ENOX1: variants seen among roughly 807,000 people sequenced by gnomAD.
ENOX1 encodes candidate growth-related and time keeping constitutive hydroquinone (NADH) oxidase.
In ENOX1, 42 loss-of-function variants were observed where a neutral mutation model predicts 82.5. The observed-to-expected ratio is 0.51, with a 90% CI of 0.40 to 0.66. The LOEUF (loss-of-function observed/expected upper bound fraction) is 0.66. Ranked by LOEUF, ENOX1 falls within the 30% of genes least tolerant of loss-of-function variation. The probability of loss-of-function intolerance (pLI) is 0.00; values close to 1 mark genes in which losing one functional copy is unlikely to be tolerated. For missense variants in ENOX1, 608 were observed against 811.6 expected (o/e 0.75, Z 3.05); for synonymous variants, 271 against 282.2 (o/e 0.96, Z 0.40).
chr13:43,396,431 G>A (rs1163834767), intron 5 of ENOX1, among the ~76,000 whole-genome samples: 2 of 152,176 alleles, frequency 1.3e-5, no homozygotes, highest in African/African-American at 4.8e-5. Context: ...CCAGGCTGGA[G>A]GGCAGTGGCA....
chr13:43,250,099 T>A (rs1229727452), intron 14 of ENOX1, among the ~76,000 whole-genome samples: 1 of 152,220 alleles, frequency 6.6e-6, no homozygotes, highest in Non-Finnish European at 1.5e-5. Context: ...CAAGTATGCC[T>A]CGCTGTTTAA....
intron 1 of ENOX1, among the ~76,000 whole-genome samples, chr13:43,674,795 T>C (rs1273839425): frequency 1.3e-5 from 2 of 152,104 alleles, no homozygotes; most frequent in Non-Finnish European, 2.9e-5. Context: ...TAGCAGTCTG[T>C]TGGGGGATGC....
At chr13:43,628,367 T>G (rs2083060498) in intron 2 of ENOX1, among the ~76,000 whole-genome samples, 1 of 152,210 alleles carries the variant, frequency 6.6e-6, no homozygotes, top group Admixed American at 6.5e-5. Context: ...ATGCCTTCCT[T>G]TCTCCCCTTC....
intron 11 of ENOX1, among the ~76,000 whole-genome samples, chr13:43,300,954 T>G (rs1344998854): frequency 5.9e-5 from 9 of 152,162 alleles, no homozygotes; most frequent in Non-Finnish European, 1.2e-4. Flanking sequence ...CAGCCCAGCT[T>G]CAGATCTTGT....
chr13:43,329,039 G>A lies in ENOX1; in HGVS notation c.1037-2514C>T, dbSNP rs142637364. ...GAAGAGAGTAGCTAAGTAGATAGGT[G>A]GCATTAGAAAACATTCCACAAATAG... On this transcript the variant is annotated intron_variant, in intron 9 of 16. Transcript: ENST00000690772. Among the ~76,000 whole-genome samples, 36 of 152,318 alleles carry A rather than the reference G, an allele frequency of 2.4e-4. 2 individuals are homozygous for A. The East Asian group carries it at 6.9e-3, about 29-fold the overall frequency.
At chr13:43,546,852 T>C (rs9316034) in intron 2 of ENOX1, 41,163 of 152,152 alleles carry the variant, frequency 0.27, 6,094 homozygotes, top group Non-Finnish European at 0.34. Context: ...CAATTTAATC[T>C]AAATTATCCT....
chr13:43,497,327 C>G (rs544878034), intron 2 of ENOX1, among the ~76,000 whole-genome samples: 1 of 152,200 alleles, frequency 6.6e-6, no homozygotes, highest in South Asian at 2.1e-4. Context: ...AGAGTGAACA[C>G]CCACATCTCT....
At chr13:43,528,904 T>C (rs1473117775) in intron 2 of ENOX1, among the ~76,000 whole-genome samples, 1 of 152,062 alleles carries the variant, frequency 6.6e-6, no homozygotes. Context: ...CACAAATCTG[T>C]CTTCGATTTA....
chr13:43,445,122 T>C (rs2153626354), intron 3 of ENOX1, among the ~76,000 whole-genome samples: 1 of 128,586 alleles, frequency 7.8e-6, no homozygotes, highest in East Asian at 2.1e-4. Flanking sequence ...TCCTTCTTTC[T>C]GGGTTTTTTT....
chr13:43,569,029 T>C (rs2080051923), intron 2 of ENOX1, among the ~76,000 whole-genome samples: 1 of 152,202 alleles, frequency 6.6e-6, no homozygotes, highest in South Asian at 2.1e-4. Context: ...TTTGGTTTTA[T>C]GCAAAATGGC....
At chr13:43,753,298 T>A (rs1031702651) in intron 1 of ENOX1, among the ~76,000 whole-genome samples, 3 of 152,218 alleles carry the variant, frequency 2.0e-5, no homozygotes, top group African/African-American at 7.2e-5. Context: ...TTTTATCAAA[T>A]ACAAGCTTTA....
Position 43,450,888 on chromosome 13 carries a change from A to T in ENOX1, c.-75+33121T>A, listed in dbSNP as rs562851324. Among the ~76,000 whole-genome samples the T allele has an allele frequency of 9.9e-5, 15 of 152,236 alleles. No individual in the cohort carries two copies. The East Asian group carries it at 2.9e-3, about 29-fold the overall frequency. On this transcript the variant is annotated intron_variant, in intron 3 of 16. Coordinates refer to ENST00000690772, the MANE Select transcript of ENOX1 (RefSeq NM_001347969.2). ...GTCAAAGCACTGTAAAATACAGAAAATTTTTAAAAACAACAACATAATTAA... is the reference window on the plus strand; with the variant it reads ...GTCAAAGCACTGTAAAATACAGAAATTTTTTAAAAACAACAACATAATTAA...
At chr13:43,219,348 A>G (rs969874251) in intron 16 of ENOX1, among the ~76,000 whole-genome samples, 1 of 152,216 alleles carries the variant, frequency 6.6e-6, no homozygotes, top group Non-Finnish European at 1.5e-5. Context: ...GATTAGAGAT[A>G]GATGCCATGA....
intron 16 of ENOX1, among the ~76,000 whole-genome samples, chr13:43,221,289 C>G (rs1274296879): frequency 1.3e-5 from 2 of 152,198 alleles, no homozygotes; most frequent in African/African-American, 4.8e-5. Flanking sequence ...ACGAACCCTC[C>G]TCTTGACTGT....
At chr13:43,326,326 A>C (rs925951108) in intron 10 of ENOX1, 93 bp downstream of exon 10, 1 of 1,018,986 alleles carries the variant, frequency 9.8e-7, no homozygotes, top group Non-Finnish European at 1.5e-6. Context: ...CGGACTGCCC[A>C]CTATAACAGA....
intron 2 of ENOX1, among the ~76,000 whole-genome samples, chr13:43,603,274 G>C (rs915599188): frequency 2.0e-5 from 3 of 151,870 alleles, no homozygotes; most frequent in African/African-American, 4.8e-5. Context: ...AATATGTCAT[G>C]CTTTTTATTT....
chr13:43,785,304 C>G (rs112450288), intron 1 of ENOX1, among the ~76,000 whole-genome samples: 183 of 152,310 alleles, frequency 1.2e-3, no homozygotes, highest in African/African-American at 4.2e-3. Context: ...AGCGGGCCCA[C>G]CAGCTCAGCT....
At chr13:43,639,229 G>A (rs1392781078) in intron 2 of ENOX1, among the ~76,000 whole-genome samples, 1 of 152,172 alleles carries the variant, frequency 6.6e-6, no homozygotes, top group Non-Finnish European at 1.5e-5. Flanking sequence ...TTGAACCCGG[G>A]AGGCGGAGGT....
At chr13:43,256,682 A>G (rs2043765960) in intron 14 of ENOX1, among the ~76,000 whole-genome samples, 1 of 152,232 alleles carries the variant, frequency 6.6e-6, no homozygotes, top group African/African-American at 2.4e-5. Flanking sequence ...AAGGATTTGA[A>G]GAAAGGGGAA....
Sources: gnomAD v4.1 joint callset for allele counts (sites outside exome capture counted in the v4.1 genomes callset) on GRCh38, gnomAD v4.1.1 for gene constraint, MANE v1.5 for transcripts, NCBI Gene and HGNC (gene_info 2026-07-23, HGNC 2026-07-21) for gene names.